Variants in ABCC4 observed in about 807,000 individuals in gnomAD.
ABCC4 encodes ATP binding cassette subfamily C member 4 (PEL blood group), also known as ATP-binding cassette sub-family C member 4.
In ABCC4, 102 loss-of-function variants were observed where a neutral mutation model predicts 168.5. The observed-to-expected ratio is 0.61, with a 90% CI of 0.52 to 0.71. ABCC4 has a LOEUF of 0.71. ABCC4 is among the 30% of genes least tolerant of loss of function. The pLI is 0.00. For synonymous variants in ABCC4, 617 were observed against 590.7 expected, an observed-to-expected ratio of 1.04 and a Z score of -0.65; for missense variants, 1,402 against 1,605.8, an observed-to-expected ratio of 0.87 and a Z score of 2.17.
chr13:95,259,543 C>A (rs535131853), intron 1 of ABCC4, among the ~76,000 whole-genome samples: 1 of 152,150 alleles, frequency 6.6e-6, no homozygotes, highest in Admixed American at 6.5e-5. Flanking sequence ...CCTCAAGAAG[C>A]CAACAGCATC....
intron 1 of ABCC4, among the ~76,000 whole-genome samples, chr13:95,295,458 G>A (rs902984477): frequency 6.6e-6 from 1 of 152,066 alleles, no homozygotes; most frequent in Non-Finnish European, 1.5e-5. Flanking sequence ...AGAAGATCAA[G>A]ACCATCCTGG....
rs554796851 is a variant in ABCC4 at position 95,141,863 on chromosome 13, G to A, written c.2455+19326C>T. 3.1e-3 allele frequency among the ~76,000 whole-genome samples: 477 copies of A among 152,332 alleles called. 3 individuals are homozygous for A. Among genetic ancestry groups the A allele is most frequent in the African/African-American group, 0.011 (452 of 41,576 alleles). On this transcript the variant is annotated intron_variant, in intron 19 of 30. Transcript: ENST00000645237. ...GGATCATCCTGAACCAGTCTCCTGA[G>A]TGGCTGGGACTACAGGTGTGCACCA...
chr13:95,102,398 G>A (rs1454305643), intron 20 of ABCC4, among the ~76,000 whole-genome samples: 1 of 151,952 alleles, frequency 6.6e-6, no homozygotes, highest in Non-Finnish European at 1.5e-5. Context: ...TTTCCAGGTC[G>A]GCCTCCCAAA....
intron 21 of ABCC4, among the ~76,000 whole-genome samples, chr13:95,077,663 A>C (rs1185398183): frequency 6.8e-6 from 1 of 146,716 alleles, no homozygotes; most frequent in East Asian, 2.2e-4. Context: ...CGATGGCTAC[A>C]TATGTTTTAT....
intron 20 of ABCC4, among the ~76,000 whole-genome samples, chr13:95,112,378 A>C (rs1374549450): frequency 6.6e-6 from 1 of 151,924 alleles, no homozygotes; most frequent in Non-Finnish European, 1.5e-5. Context: ...AGTCACATGG[A>C]TAAATGCAAC....
At chr13:95,299,495 C>T (rs1280731041) in intron 1 of ABCC4, among the ~76,000 whole-genome samples, 1 of 152,124 alleles carries the variant, frequency 6.6e-6, no homozygotes, top group East Asian at 1.9e-4. Context: ...CTAGGTCAAG[C>T]TTGTCCAACC....
At chr13:95,204,272 G>A (rs1423419896) in intron 8 of ABCC4, among the ~76,000 whole-genome samples, 1 of 152,194 alleles carries the variant, frequency 6.6e-6, no homozygotes, top group African/African-American at 2.4e-5. Context: ...ACAACTAGAT[G>A]AGTAAAAGAA....
chr13:95,085,958 CACCTG>C (rs1208376883), intron 20 of ABCC4, among the ~76,000 whole-genome samples: 1 of 152,182 alleles, frequency 6.6e-6, no homozygotes, highest in Non-Finnish European at 1.5e-5. Flanking sequence ...ACTGACCTTA[CACCTG>C]TTCTCTTAAT....
Position 95,188,489 on chromosome 13 carries a change from T to A in ABCC4, c.1317A>T (p.Glu439Asp). The A allele has an allele frequency of 6.2e-7, 1 of 1,614,096 alleles. No homozygotes were observed. The highest frequency in any genetic ancestry group is 8.5e-7 in the Non-Finnish European group (1 of 1,180,000). Residue 439 changes from glutamate to aspartate, a missense_variant, in exon 10 of 31, where the codon GAA becomes GAT. Physicochemically the swap from Glu to Asp is conservative, Grantham distance 45. This residue lies in a region of ABCC4 where 1,007 missense variants were observed against 1,127.3 expected (regional missense o/e 0.89). Transcript: ENST00000645237. ...CCACGGGGCCGACCACAGCTAACAA[T>A]TCGCCAGGTCTGACAGTAAAGGAAA... ...QGLSFTVRPG[E>D]LLAVVGPVGA... is the part of the protein sequence containing the mutation.
chr13:95,219,930 A>C (rs2039266167), intron 4 of ABCC4, among the ~76,000 whole-genome samples: 1 of 147,670 alleles, frequency 6.8e-6, no homozygotes, highest in South Asian at 2.1e-4. Context: ...ATCTTGGCTC[A>C]CTGCAACCTC....
intron 26 of ABCC4, among the ~76,000 whole-genome samples, chr13:95,057,863 G>T (rs1404321290): frequency 6.6e-6 from 1 of 152,254 alleles, no homozygotes; most frequent in Non-Finnish European, 1.5e-5. Context: ...CCCTACATCA[G>T]TGTGTGGTGA....
intron 3 of ABCC4, 110 bp downstream of exon 3, chr13:95,246,865 T>C: frequency 1.0e-5 from 13 of 1,283,588 alleles, no homozygotes; most frequent in Non-Finnish European, 1.4e-5. Context: ...TCAAACCCCA[T>C]CTGGCCACTT....
chr13:95,164,111 C>T (rs1025201765), intron 16 of ABCC4, among the ~76,000 whole-genome samples: 1 of 151,748 alleles, frequency 6.6e-6, no homozygotes, highest in African/African-American at 2.4e-5. Context: ...CATAGTTCTT[C>T]CAGCTCAGGT....
chr13:95,117,516 T>C lies in ABCC4; in HGVS notation c.2456-1515A>G, dbSNP rs545620834. ...TGCAGGGCAAGAGGTCAGGCTATTA[T>C]TTTATCAGCTATACTTAAGAAACAT... On this transcript the variant is annotated intron_variant, in intron 19 of 30. Coordinates refer to ENST00000645237, the MANE Select transcript of ABCC4 (RefSeq NM_005845.5). Among the ~76,000 whole-genome samples, 3 of 86,380 alleles carry C rather than the reference T, an allele frequency of 3.5e-5. No individual in the cohort carries two copies. The East Asian group carries it at 1.1e-3, about 33-fold the overall frequency. The allele number at this position is 86,380 out of a possible 152,430, so 56.7% of individuals were successfully genotyped here.
chr13:95,175,096 A>G (rs2037623324), intron 13 of ABCC4, among the ~76,000 whole-genome samples: 1 of 152,128 alleles, frequency 6.6e-6, no homozygotes, highest in Admixed American at 6.6e-5. Context: ...AACGTTCAGG[A>G]ACCCACGTAG....
In ABCC4 at chr13:95,074,290, C is replaced by A; in HGVS notation, c.2841G>T (p.Trp947Cys). Residue 947 changes from tryptophan to cysteine, a missense_variant, in exon 23 of 31, where the codon TGG becomes TGT. Physicochemically the swap from Trp to Cys is radical, Grantham distance 215 (BLOSUM62 -2). Transcript: ENST00000645237. The stretch of plus-strand genomic sequence containing the variant: ...AGATGGCATCCAGACGGACGGCAAA[C>A]CAGCGGGACGTTGTCAAAAACAAGA... ...AWFLFLTTSR[W>C]FAVRLDAICA... is the part of the protein sequence containing the mutation. The A allele has an allele frequency of 6.2e-7, 1 of 1,613,678 alleles. No homozygotes were observed. Among genetic ancestry groups the A allele is most frequent in the Non-Finnish European group, 8.5e-7 (1 of 1,179,846 alleles).
At chr13:95,163,722 A>G in intron 16 of ABCC4, 75 bp from the exon 17 acceptor site, 3 of 1,258,894 alleles carry the variant, frequency 2.4e-6, no homozygotes, top group Non-Finnish European at 3.4e-6. Flanking sequence ...TCAATCGCTA[A>G]CATGGACAAC....
chr13:95,086,522 G>A (rs1013768654), intron 20 of ABCC4, among the ~76,000 whole-genome samples: 1 of 152,128 alleles, frequency 6.6e-6, no homozygotes, highest in African/African-American at 2.4e-5. Flanking sequence ...CTTTTAACAA[G>A]CATAATTTTA....
intron 4 of ABCC4, among the ~76,000 whole-genome samples, chr13:95,221,098 A>C (rs897140143): frequency 2.0e-5 from 3 of 152,240 alleles, no homozygotes; most frequent in African/African-American, 4.8e-5. Context: ...TCACAAAAGG[A>C]TAAATATGGT....
Sources: allele counts gnomAD v4.1 joint callset (sites outside exome capture counted in the v4.1 genomes callset), GRCh38; gene constraint gnomAD v4.1.1; regional missense constraint gnomAD v4.1.1; transcripts MANE v1.5; gene names NCBI Gene and HGNC (gene_info 2026-07-23, HGNC 2026-07-21).